ARSJ: variants seen among roughly 807,000 people sequenced by gnomAD.
ARSJ encodes the protein arylsulfatase J.
ARSJ carries 26 observed loss-of-function variants against 35.9 expected under a neutral mutation model. The observed-to-expected ratio is 0.72, with a 90% confidence interval of 0.53 to 1.00. The LOEUF is 1.00. Ranked by LOEUF, ARSJ falls within the 50% of genes least tolerant of loss-of-function variation. ARSJ has a pLI of 0.00. For missense variants in ARSJ, 667 were observed against 723.6 expected (o/e 0.92, Z 0.90); for synonymous variants, 294 against 267.6 (o/e 1.10, Z -0.96).
At chr4:113,964,768 G>C (rs1726784289) in intron 1 of ARSJ, among the ~76,000 whole-genome samples, 1 of 152,036 alleles carries the variant, frequency 6.6e-6, no homozygotes, top group South Asian at 2.1e-4. Flanking sequence ...CTTCACCAGA[G>C]AGCTTATTGG....
At chr4:113,927,574 T>G (rs1179888048) in intron 1 of ARSJ, among the ~76,000 whole-genome samples, 2 of 152,132 alleles carry the variant, frequency 1.3e-5, no homozygotes, top group African/African-American at 4.8e-5. Flanking sequence ...GCTTCTGGGG[T>G]CCTTATGGAC....
intron 1 of ARSJ, among the ~76,000 whole-genome samples, chr4:113,945,293 C>G (rs1725405304): frequency 6.6e-6 from 1 of 152,042 alleles, no homozygotes; most frequent in South Asian, 2.1e-4. Context: ...TGCCATCACA[C>G]CCAGCTAATT....
intron 1 of ARSJ, among the ~76,000 whole-genome samples, chr4:113,931,973 A>G (rs1278942530): frequency 3.9e-5 from 6 of 152,098 alleles, no homozygotes; most frequent in Admixed American, 3.9e-4. Context: ...GACTTCAACT[A>G]TAATGACCCA....
chr4:113,957,474 A>G (rs1211797319), intron 1 of ARSJ, among the ~76,000 whole-genome samples: 1 of 152,106 alleles, frequency 6.6e-6, no homozygotes, highest in East Asian at 1.9e-4. Flanking sequence ...AAATGGAAAT[A>G]AGTCTTTAAA....
intron 1 of ARSJ, among the ~76,000 whole-genome samples, chr4:113,912,499 A>AT (rs1722982793): frequency 6.6e-6 from 1 of 152,006 alleles, no homozygotes; most frequent in African/African-American, 2.4e-5. Context: ...AGATATATAG[A>AT]TGGAAAAAAA....
intron 1 of ARSJ, among the ~76,000 whole-genome samples, chr4:113,977,717 A>G (rs956917638): frequency 6.6e-6 from 1 of 152,258 alleles, no homozygotes; most frequent in Non-Finnish European, 1.5e-5. Flanking sequence ...CAGCAACAAT[A>G]TGAAAAGCAC....
rs6846951 is a variant in ARSJ, at chr4:113,952,476, T to A, written c.398+25961A>T. Among the ~76,000 whole-genome samples, 902 of 152,240 alleles carry A rather than the reference T, an allele frequency of 5.9e-3. 11 individuals are homozygous for A. The highest frequency in any genetic ancestry group is 0.02 in the African/African-American group (823 of 41,562). On this transcript the variant is annotated intron_variant, in intron 1 of 1. Coordinates refer to ENST00000315366, the MANE Select transcript of ARSJ (RefSeq NM_024590.4). ...TCTTCAATGAATGCTTTAAAATATT[T>A]TCATACGCATATCAATATTTAAAAT...
At chr4:113,952,978 T>A (rs1189207136) in intron 1 of ARSJ, among the ~76,000 whole-genome samples, 1 of 152,080 alleles carries the variant, frequency 6.6e-6, no homozygotes, top group African/African-American at 2.4e-5. Context: ...TCAGCAATAA[T>A]CGTTACAATT....
At chr4:113,947,672 T>G (rs1238023336) in intron 1 of ARSJ, among the ~76,000 whole-genome samples, 1 of 151,886 alleles carries the variant, frequency 6.6e-6, no homozygotes, top group Non-Finnish European at 1.5e-5. Flanking sequence ...AACTTTTATC[T>G]TCATTGGGTA....
At chr4:113,958,742 G>A (rs1202554326) in intron 1 of ARSJ, among the ~76,000 whole-genome samples, 1 of 152,038 alleles carries the variant, frequency 6.6e-6, no homozygotes, top group Non-Finnish European at 1.5e-5. Flanking sequence ...GCTGAGAAGA[G>A]GGTGATTGTG....
chr4:113,924,107 A>C (rs1282267725), intron 1 of ARSJ, among the ~76,000 whole-genome samples: 1 of 136,436 alleles, frequency 7.3e-6, no homozygotes, highest in East Asian at 2.1e-4. Context: ...ATATATATAT[A>C]TATATATATA....
chr4:113,941,077 C>T (rs900830058), intron 1 of ARSJ, among the ~76,000 whole-genome samples: 2 of 151,980 alleles, frequency 1.3e-5, no homozygotes, highest in Non-Finnish European at 2.9e-5. Context: ...TATAGCTAAA[C>T]TTCTGCACTC....
intron 1 of ARSJ, among the ~76,000 whole-genome samples, chr4:113,976,701 T>C (rs1414940353): frequency 6.6e-6 from 1 of 152,216 alleles, no homozygotes; most frequent in Non-Finnish European, 1.5e-5. Context: ...CAGTAGCTAT[T>C]TGTACTTTTT....
At chr4:113,914,194 G>A (rs369447315) in intron 1 of ARSJ, among the ~76,000 whole-genome samples, 2 of 151,944 alleles carry the variant, frequency 1.3e-5, no homozygotes, top group African/African-American at 2.4e-5. Flanking sequence ...GGCTGGTCTC[G>A]AACTCCTGAC....
intron 1 of ARSJ, among the ~76,000 whole-genome samples, chr4:113,971,629 TC>T (rs1293556521): frequency 6.6e-6 from 1 of 152,224 alleles, no homozygotes; most frequent in Non-Finnish European, 1.5e-5. Context: ...ACTTGTTATA[TC>T]CATTTTCCAG....
chr4:113,977,989 G>C (rs954219140), intron 1 of ARSJ, among the ~76,000 whole-genome samples: 1 of 152,060 alleles, frequency 6.6e-6, no homozygotes, highest in Non-Finnish European at 1.5e-5. Flanking sequence ...CTGTTTCGTT[G>C]GTTCATTTTC....
chr4:113,966,040 T>G (rs1726873705), intron 1 of ARSJ, among the ~76,000 whole-genome samples: 1 of 151,898 alleles, frequency 6.6e-6, no homozygotes, highest in Admixed American at 6.6e-5. Flanking sequence ...ACATTGAAGA[T>G]TAGGGACAAT....
chr4:113,977,838 C>T (rs1727682544), intron 1 of ARSJ, among the ~76,000 whole-genome samples: 1 of 152,154 alleles, frequency 6.6e-6, no homozygotes, highest in Admixed American at 6.5e-5. Flanking sequence ...TGAGCACTTA[C>T]CATTGTATTT....
At chr4:113,904,345 T>C (rs1018500506) in intron 1 of ARSJ, among the ~76,000 whole-genome samples, 1 of 152,226 alleles carries the variant, frequency 6.6e-6, no homozygotes, top group African/African-American at 2.4e-5. Context: ...AGAGTGTTAT[T>C]ATTATTATTG....
Sources: gnomAD v4.1 joint callset for allele counts (sites outside exome capture counted in the v4.1 genomes callset) on GRCh38, gnomAD v4.1.1 for gene constraint, MANE v1.5 for transcripts, NCBI Gene and HGNC (gene_info 2026-07-23, HGNC 2026-07-21) for gene names.